The following PRKAG2 variants were observed in gnomAD, a reference collection of about 807,000 sequenced individuals.
PRKAG2 encodes the protein 5'-AMP-activated protein kinase subunit gamma-2.
Under a neutral mutation model 69.6 loss-of-function variants are expected in PRKAG2, and 26 were observed. The ratio of observed to expected loss-of-function variants is 0.37; its 90% CI spans 0.27 to 0.52. The LOEUF (loss-of-function observed/expected upper bound fraction) is 0.52. Ranked by LOEUF, PRKAG2 falls within the 20% of genes least tolerant of loss-of-function variation. The probability of loss-of-function intolerance (pLI) is 0.90; values close to 1 mark genes in which losing one functional copy is unlikely to be tolerated. For synonymous variants in PRKAG2, 293 were observed against 285.0 expected, an observed-to-expected ratio of 1.03 and a Z score of -0.28; for missense variants, 557 against 740.0, an observed-to-expected ratio of 0.75 and a Z score of 2.87.
rs577553894 is a variant in PRKAG2, at chr7:151,770,161, C to T, written c.466+10991G>A. On this transcript the variant is annotated intron_variant, in intron 3 of 15. Coordinates refer to ENST00000287878, the MANE Select transcript of PRKAG2 (RefSeq NM_016203.4). Reference sequence around the variant, plus strand: ...ATCAACCAGCTGTCTGATGCTGCCCCTTCCTTTTGCAGGTTCGACACAACC... The same window carrying T: ...ATCAACCAGCTGTCTGATGCTGCCCTTTCCTTTTGCAGGTTCGACACAACC... Among the ~76,000 whole-genome samples, 39 of 152,288 alleles carry T rather than the reference C, an allele frequency of 2.6e-4. No homozygotes were observed. In the South Asian group the frequency reaches 2.9e-3, roughly 11 times the overall value.
chr7:151,587,098 G>A (rs1441596415), intron 6 of PRKAG2, among the ~76,000 whole-genome samples: 16 of 152,092 alleles, frequency 1.1e-4, no homozygotes, highest in East Asian at 1.9e-4. Flanking sequence ...CCGAGATTGC[G>A]CCACTGAACT....
chr7:151,622,270 TG>T (rs1320691807), intron 5 of PRKAG2, among the ~76,000 whole-genome samples: 1 of 152,208 alleles, frequency 6.6e-6, no homozygotes, highest in African/African-American at 2.4e-5. Flanking sequence ...AATGAAACAC[TG>T]GAGTTTCGCA....
intron 7 of PRKAG2, 118 bp from the exon 8 acceptor site, chr7:151,575,067 TCAAG>T: frequency 7.3e-7 from 1 of 1,375,190 alleles, no homozygotes; most frequent in Non-Finnish European, 9.8e-7. Flanking sequence ...TTCGAAGATA[TCAAG>T]CAGAGTTTAA....
At chr7:151,806,947 A>G in intron 1 of PRKAG2, 1 of 452,734 alleles carries the variant, frequency 2.2e-6, no homozygotes, top group South Asian at 1.6e-5. Context: ...GCCTGGGGAA[A>G]AAAAAAAGCC....
chr7:151,851,163 C>T (rs566798680), intron 1 of PRKAG2, among the ~76,000 whole-genome samples: 33 of 152,208 alleles, frequency 2.2e-4, no homozygotes, highest in African/African-American at 7.5e-4. Flanking sequence ...AAAAAAGAAA[C>T]GTCGCCCATG....
At chr7:151,649,756 C>T (rs1828157223) in intron 4 of PRKAG2, among the ~76,000 whole-genome samples, 2 of 152,152 alleles carry the variant, frequency 1.3e-5, no homozygotes, top group African/African-American at 4.8e-5. Context: ...CCTTCACCTT[C>T]TGCCATGATT....
intron 3 of PRKAG2, among the ~76,000 whole-genome samples, chr7:151,678,809 A>G (rs1833367910): frequency 6.6e-6 from 1 of 151,990 alleles, no homozygotes; most frequent in Non-Finnish European, 1.5e-5. Context: ...AAATACAAAT[A>G]TTAGCTAGGC....
At chr7:151,825,364 C>A (rs1291186840) in intron 1 of PRKAG2, among the ~76,000 whole-genome samples, 3 of 152,184 alleles carry the variant, frequency 2.0e-5, no homozygotes, top group African/African-American at 7.2e-5. Flanking sequence ...TTATATTATT[C>A]TCTGATTATG....
At chr7:151,560,397 AAAGT>A (rs1295769030) in intron 15 of PRKAG2, 123 bp downstream of exon 15, 1 of 1,591,898 alleles carries the variant, frequency 6.3e-7, no homozygotes, top group Non-Finnish European at 8.5e-7. Flanking sequence ...AAATGGTTTC[AAAGT>A]AATATACTCA....
intron 4 of PRKAG2, among the ~76,000 whole-genome samples, chr7:151,656,037 A>T (rs1400771551): frequency 1.3e-5 from 2 of 152,232 alleles, no homozygotes; most frequent in Admixed American, 1.3e-4. Context: ...TGGAATTTTT[A>T]TCAGTAAACA....
At position 151,835,753 on chromosome 7, in the gene PRKAG2, T is replaced by C. The variant is rs966661055; in HGVS notation, c.114+40754A>G. ...ATCCTGGCCCCACCCTGGGCTTCCA[T>C]TGGTCTGGATCGGACATCCCGGGGG... On this transcript the variant is annotated intron_variant, in intron 1 of 15. Transcript: ENST00000287878. The surrounding 1 kb of genome is among the most constrained non-coding windows in gnomAD (Gnocchi z 4.1). 1.3e-5 allele frequency among the ~76,000 whole-genome samples: 2 copies of C among 152,186 alleles called. No homozygotes were observed. Among genetic ancestry groups the C allele is most frequent in the Non-Finnish European group, 2.9e-5 (2 of 68,026 alleles).
chr7:151,808,598 G>C (rs55793576), intron 1 of PRKAG2, among the ~76,000 whole-genome samples: 1 of 151,872 alleles, frequency 6.6e-6, no homozygotes, highest in South Asian at 2.1e-4. Context: ...TTGTTGGGGG[G>C]GCTTGAGGCT....
chr7:151,644,876 A>T (rs1827303681), intron 4 of PRKAG2, among the ~76,000 whole-genome samples: 1 of 152,126 alleles, frequency 6.6e-6, no homozygotes, highest in African/African-American at 2.4e-5. Context: ...CATTTTAGTC[A>T]TTCTAGTGGG....
At chr7:151,804,932 C>T (rs2078026177) in intron 1 of PRKAG2, among the ~76,000 whole-genome samples, 2 of 152,196 alleles carry the variant, frequency 1.3e-5, no homozygotes, top group South Asian at 2.1e-4. Context: ...TGAAGTTCCT[C>T]GCCGTGGCTC....
Position 151,575,059 on chromosome 7 carries a change from C to G in PRKAG2, c.947-110G>C, listed in dbSNP as rs1445799311. On this transcript the variant is annotated intron_variant, in intron 7 of 15. Transcript: ENST00000287878. ...CTAGAAGAGCTTATAAAATATACTT[C>G]GAAGATATCAAGCAGAGTTTAATAT... 1.7e-5 allele frequency: 24 copies of G among 1,427,438 alleles called. No homozygotes were observed. The South Asian group carries it at 2.5e-4, about 15-fold the overall frequency. 88.4% of individuals were successfully genotyped at this position (1,427,438 alleles called of 1,614,324 possible).
At chr7:151,598,392 T>C (rs1031384102) in intron 5 of PRKAG2, among the ~76,000 whole-genome samples, 11 of 152,302 alleles carry the variant, frequency 7.2e-5, no homozygotes, top group African/African-American at 9.6e-5. Flanking sequence ...GGGGTGACTA[T>C]AGTTAACAAT....
At chr7:151,580,571 T>C (rs1810165064) in intron 6 of PRKAG2, among the ~76,000 whole-genome samples, 1 of 152,190 alleles carries the variant, frequency 6.6e-6, no homozygotes, top group African/African-American at 2.4e-5. Flanking sequence ...GTTTAACTTT[T>C]GTATACATTT....
intron 1 of PRKAG2, among the ~76,000 whole-genome samples, chr7:151,856,331 G>A (rs974345194): frequency 5.3e-5 from 8 of 152,374 alleles, no homozygotes; most frequent in East Asian, 1.9e-4. Context: ...TCCAAGGCCC[G>A]CGCAGCCGAG....
intron 1 of PRKAG2, among the ~76,000 whole-genome samples, chr7:151,837,071 T>C (rs577993069): frequency 1.3e-5 from 2 of 152,178 alleles, no homozygotes; most frequent in Non-Finnish European, 2.9e-5. Context: ...CACCACACCG[T>C]GCACAGCCGT....
Sources: gnomAD v4.1 joint callset for allele counts (sites outside exome capture counted in the v4.1 genomes callset) on GRCh38, gnomAD v4.1.1 for gene constraint, Gnocchi (gnomAD v3.1) non-coding constraint, MANE v1.5 for transcripts, NCBI Gene and HGNC (gene_info 2026-07-23, HGNC 2026-07-21) for gene names.